Variants in USP11 observed in about 807,000 individuals in gnomAD.
USP11 encodes the protein ubiquitin specific peptidase 11.
USP11 carries 5 observed loss-of-function variants against 72.8 expected under a neutral mutation model. The observed-to-expected ratio is 0.07, with a 90% confidence interval of 0.04 to 0.14. The LOEUF (loss-of-function observed/expected upper bound fraction) is 0.14, where lower values mean the gene tolerates loss of function less well. Among genes scored for constraint, USP11 ranks in the 10% least tolerant of loss-of-function variants. The pLI is 1.00. For missense variants in USP11, 480 were observed against 794.7 expected (o/e 0.60, Z 4.76); for synonymous variants, 368 against 326.5 (o/e 1.13, Z -1.37).
intron 20 of USP11, 33 bp from the exon 21 acceptor site, chrX:47,247,760 C>T: frequency 8.3e-7 from 1 of 1,209,327 alleles, no homozygotes. Flanking sequence ...CCCACCCCCA[C>T]AATCCACACT....
At chrX:47,233,566 C>G (rs1017454623) in intron 1 of USP11, 127 of 856,207 alleles carry the variant, frequency 1.5e-4, no homozygotes, top group Non-Finnish European at 1.8e-4. Flanking sequence ...GGGGCGCGGC[C>G]TGCGCTGCGT....
At chrX:47,244,361 C>T in intron 13 of USP11, 137 bp from the exon 14 acceptor site, 1 of 676,580 alleles carries the variant, frequency 1.5e-6, no homozygotes, top group Non-Finnish European at 2.2e-6. Context: ...GTCACCCCTT[C>T]AGCCCTCTCA....
rs1163781413 is a variant in USP11 at position 47,242,766 on chromosome X, C to T, written c.1583+46C>T. 1.6e-5 allele frequency: 16 copies of T among 1,024,767 alleles called. No homozygotes were observed. The Admixed American group carries it at 3.1e-4, about 20-fold the overall frequency. The allele number at this position is 1,024,767 out of a possible 1,213,427, so 84.5% of individuals were successfully genotyped here. Reference sequence around the variant, plus strand: ...GGTGGTGGTTCCTCAGGAACTTGGTCCACTTCCTTTTGTATGGTCCTGCCT... The same window carrying T: ...GGTGGTGGTTCCTCAGGAACTTGGTTCACTTCCTTTTGTATGGTCCTGCCT... On this transcript the variant is annotated intron_variant, in intron 12 of 20. Coordinates refer to ENST00000377107, the MANE Select transcript of USP11 (RefSeq NM_001371072.1).
At chrX:47,240,022 T>C in intron 4 of USP11, 115 bp downstream of exon 4, 1 of 841,797 alleles carries the variant, frequency 1.2e-6, no homozygotes, top group Non-Finnish European at 1.7e-6. Context: ...GGTCAGACTT[T>C]GGAAGACCCA....
At chrX:47,237,583 A>T (rs1048120838) in intron 1 of USP11, among the ~76,000 whole-genome samples, 4 of 111,259 alleles carry the variant, frequency 3.6e-5, no homozygotes, top group Admixed American at 9.6e-5. Context: ...ACTGCACTCC[A>T]GCCTGGGCGA....
chrX:47,247,733 C>A, intron 20 of USP11, 34 bp downstream of exon 20: 1 of 1,210,243 alleles, frequency 8.3e-7, no homozygotes, highest in South Asian at 1.8e-5. Context: ...CCCCTTCTTC[C>A]TTTCTGATTC....
intron 3 of USP11, 74 bp from the exon 4 acceptor site, chrX:47,239,716 C>T: frequency 2.8e-6 from 3 of 1,054,542 alleles, no homozygotes; most frequent in Non-Finnish European, 4.0e-6. Context: ...AGAGTGTGTG[C>T]TCCTCTCATT....
chrX:47,239,294 C>T, intron 2 of USP11, 57 bp from the exon 3 acceptor site: 1 of 1,192,552 alleles, frequency 8.4e-7, no homozygotes, highest in East Asian at 3.0e-5. Flanking sequence ...TGGCCAGAGT[C>T]ATTCGTCAGT....
rs2055441671 is a variant in USP11 at position 47,247,605 on chromosome X, T to C, written c.2537-6T>C. 2 of 1,211,086 alleles carry C rather than the reference T, an allele frequency of 1.7e-6. No homozygotes were observed. The highest frequency in any genetic ancestry group is 1.1e-6 in the Non-Finnish European group (1 of 895,145). ...GTAGGCGAGGATAACTCTCCTTCCC[T>C]TTCAGACACAACATTTGCCTGCAAC... On this transcript the variant is annotated splice_region_variant and splice_polypyrimidine_tract_variant and intron_variant, in intron 19 of 20. Transcript: ENST00000377107.
rs6609463 is a variant in USP11 at position 47,242,118 on chromosome X, C to T, written c.1216C>T (p.Arg406Trp). ...AQEAWQNHKR[R>W]NDSVIVDTFH... ...GGAGGCATGGCAAAACCACAAACGG[C>T]GGAACGATTCTGTGATCGTGGACAC... The change falls in exon 10 of 21, where the codon CGG becomes TGG. Residue 406 changes from arginine (R) to tryptophan (W), a missense_variant. By Grantham distance (101) the Arg-to-Trp change is moderately radical. Coordinates refer to ENST00000377107, the MANE Select transcript of USP11 (RefSeq NM_001371072.1). The T allele has an allele frequency of 4.1e-6, 5 of 1,210,668 alleles. No homozygotes were observed. The highest frequency in any genetic ancestry group is 5.6e-6 in the Non-Finnish European group (5 of 894,992).
chrX:47,241,046 C>A, intron 7 of USP11, 170 bp downstream of exon 7: 1 of 562,105 alleles, frequency 1.8e-6, no homozygotes, highest in Non-Finnish European at 2.8e-6. Flanking sequence ...GAACTATCAG[C>A]CTCTTCTCTC....
At chrX:47,235,492 G>A (rs2055367757) in intron 1 of USP11, among the ~76,000 whole-genome samples, 1 of 110,790 alleles carries the variant, frequency 9.0e-6, no homozygotes, top group Admixed American at 9.7e-5. Flanking sequence ...ACTCTTAACA[G>A]CTTCCCATCT....
chrX:47,247,007 C>A lies in USP11; in HGVS notation c.2271-65C>A, dbSNP rs190379964. 11 of 1,118,619 alleles carry A rather than the reference C, an allele frequency of 9.8e-6. No individual in the cohort carries two copies. In the East Asian group the frequency reaches 3.5e-4, roughly 35 times the overall value. 92.2% of individuals were successfully genotyped at this position (1,118,619 alleles called of 1,213,427 possible). A position where few individuals can be genotyped will look rare whatever the true frequency, so the allele number is the denominator to read the frequency against. On this transcript the variant is annotated intron_variant, in intron 17 of 20. Transcript: ENST00000377107. Reference sequence around the variant, plus strand: ...CTGTACTCCAGCCTGGGCAACAGAGCGATTCTCTGTCTCAAAAAAAAAAAA... The same window carrying A: ...CTGTACTCCAGCCTGGGCAACAGAGAGATTCTCTGTCTCAAAAAAAAAAAA...
intron 4 of USP11, 122 bp downstream of exon 4, chrX:47,240,029 C>A: frequency 1.2e-6 from 1 of 805,922 alleles, no homozygotes; most frequent in Non-Finnish European, 1.8e-6. Context: ...CTTTGGAAGA[C>A]CCAGAAGGCA....
At chrX:47,243,091 G>A (rs1396828980) in intron 12 of USP11, among the ~76,000 whole-genome samples, 1 of 110,172 alleles carries the variant, frequency 9.1e-6, no homozygotes, top group South Asian at 3.9e-4. Context: ...GTGAAACCCC[G>A]TCTCTACTAA....
At chrX:47,233,946 T>C (rs1399568878) in intron 1 of USP11, 1 of 112,281 alleles carries the variant, frequency 8.9e-6, no homozygotes, top group African/African-American at 3.2e-5. Flanking sequence ...CCATGTTTAA[T>C]TGGTTTTCTG....
chrX:47,247,624 C>T lies in USP11; in HGVS notation c.2550C>T (p.Ala850=). 1 of 1,211,423 alleles carries T rather than the reference C, an allele frequency of 8.3e-7. No homozygotes were observed. The highest frequency in any genetic ancestry group is 1.1e-6 in the Non-Finnish European group (1 of 895,372). Residue 850 remains alanine (A), a synonymous_variant, in exon 20 of 21, where the codon GCC becomes GCT. Coordinates refer to ENST00000377107, the MANE Select transcript of USP11 (RefSeq NM_001371072.1). ...CTTCCCTTTCAGACACAACATTTGCCTGCAACAAGGACAGCGGCCAGTGGC... is the reference window on the plus strand; with the variant it reads ...CTTCCCTTTCAGACACAACATTTGCTTGCAACAAGGACAGCGGCCAGTGGC... ...GMRDGHYTTF[A]CNKDSGQWHY...
intron 1 of USP11, 68 bp downstream of exon 1, chrX:47,233,287 C>G (rs1234541782): frequency 2.6e-6 from 2 of 763,331 alleles, no homozygotes; most frequent in African/African-American, 5.6e-5. Flanking sequence ...GCTGGGGATT[C>G]GGCGGCCGAG....
At chrX:47,247,585 C>T (rs376040251) in intron 19 of USP11, 26 bp from the exon 20 acceptor site, 941 of 1,198,963 alleles carry the variant, frequency 7.8e-4, no homozygotes, top group Non-Finnish European at 1.0e-3. Context: ...GAAGGGTAGG[C>T]GAGGATAACT....
Sources: allele counts gnomAD v4.1 joint callset (sites outside exome capture counted in the v4.1 genomes callset), GRCh38; gene constraint gnomAD v4.1.1; transcripts MANE v1.5; gene names NCBI Gene and HGNC (gene_info 2026-07-23, HGNC 2026-07-21).